TG: variants seen among roughly 807,000 people sequenced by gnomAD.
TG encodes the protein thyroglobulin.
Under a neutral mutation model 324.7 loss-of-function variants are expected in TG, and 270 were observed. The ratio of observed to expected loss-of-function variants is 0.83; its 90% confidence interval spans 0.75 to 0.92. The LOEUF is 0.92. TG is among the 40% of genes least tolerant of loss of function. The pLI is 0.00. For missense variants in TG, 3,591 were observed against 3,456.4 expected (o/e 1.04, Z -0.98); for synonymous variants, 1,401 against 1,327.0 (o/e 1.06, Z -1.21).
At chr8:132,873,250 T>G in intron 5 of TG, 29 bp downstream of exon 5, 1 of 1,613,406 alleles carries the variant, frequency 6.2e-7, no homozygotes, top group Non-Finnish European at 8.5e-7. Context: ...TGCCAGTCAC[T>G]GGGCCATCAC....
At chr8:133,067,869 AG>A (rs1843274699) in intron 41 of TG, among the ~76,000 whole-genome samples, 5 of 28,324 alleles carry the variant, frequency 1.8e-4, no homozygotes, top group South Asian at 1.2e-3. Context: ...AAAGAAAGAA[AG>A]GAAGGAAGGA....
At chr8:133,051,723 A>G (rs1242502525) in intron 41 of TG, among the ~76,000 whole-genome samples, 3 of 152,184 alleles carry the variant, frequency 2.0e-5, no homozygotes, top group Non-Finnish European at 2.9e-5. Context: ...TTCTATCCTT[A>G]GTGATTTGAT....
Position 133,012,140 on chromosome 8 carries a change from G to T in TG, c.6397+105G>T, listed in dbSNP as rs1834570740. The T allele has an allele frequency of 2.6e-5, 40 of 1,524,684 alleles. No homozygotes were observed. In the South Asian group the frequency reaches 4.5e-4, roughly 17 times the overall value. 94.4% of individuals were successfully genotyped at this position (1,524,684 alleles called of 1,614,324 possible). A position where few individuals can be genotyped will look rare whatever the true frequency, so the allele number is the denominator to read the frequency against. On this transcript the variant is annotated intron_variant, in intron 36 of 47. Coordinates refer to ENST00000220616, the MANE Select transcript of TG (RefSeq NM_003235.5). The stretch of plus-strand genomic sequence containing the variant: ...ACACATGAGACACTACGATAACCTA[G>T]GATGCTTGGAAGTAAGGGATTAACC...
chr8:132,904,204 C>T (rs373626704), intron 16 of TG, among the ~76,000 whole-genome samples: 11 of 152,178 alleles, frequency 7.2e-5, no homozygotes, highest in South Asian at 2.1e-4. Flanking sequence ...ATGGAGTCAA[C>T]GCCTGGGAGG....
chr8:132,881,182 C>G (rs372306799), intron 5 of TG, among the ~76,000 whole-genome samples: 33 of 152,150 alleles, frequency 2.2e-4, no homozygotes, highest in African/African-American at 7.5e-4. Context: ...TATACCTTAC[C>G]TTTCTATTAC....
Position 133,094,790 on chromosome 8 carries a change from G to A in TG, c.7240-254G>A, listed in dbSNP as rs557080151. 1.3e-4 allele frequency: 75 copies of A among 567,696 alleles called. No individual in the cohort carries two copies. The East Asian group carries it at 2.3e-3, about 17-fold the overall frequency. 35.2% of individuals were successfully genotyped at this position (567,696 alleles called of 1,614,324 possible). A position where few individuals can be genotyped will look rare whatever the true frequency, so the allele number is the denominator to read the frequency against. On this transcript the variant is annotated intron_variant, in intron 41 of 47. Coordinates refer to ENST00000220616, the MANE Select transcript of TG (RefSeq NM_003235.5). ...ATTCATCTGCACAGCCAAGACTGAA[G>A]GTTCCCTTGTGCAGCACCCTCACTT...
chr8:132,943,361 A>G (rs968994946), intron 26 of TG, among the ~76,000 whole-genome samples: 3 of 152,078 alleles, frequency 2.0e-5, no homozygotes, highest in Non-Finnish European at 4.4e-5. Context: ...TTCTGTCATG[A>G]ATGTAAGCTT....
At chr8:133,023,116 C>A (rs892257823) in intron 40 of TG, among the ~76,000 whole-genome samples, 1 of 152,092 alleles carries the variant, frequency 6.6e-6, no homozygotes, top group South Asian at 2.1e-4. Context: ...GATAGGTGGT[C>A]GGAATGACCA....
intron 41 of TG, chr8:133,087,832 C>T (rs1429598689): frequency 6.6e-6 from 1 of 152,110 alleles, no homozygotes; most frequent in Non-Finnish European, 1.5e-5. Flanking sequence ...GTCACGTGAC[C>T]TCCTCCAGCT....
At chr8:133,050,806 G>C in intron 41 of TG, 1 of 1,560,028 alleles carries the variant, frequency 6.4e-7, no homozygotes, top group South Asian at 1.1e-5. Flanking sequence ...GTTTTGGAGA[G>C]CTGACTCACT....
At chr8:132,935,973 C>G (rs901488606) in intron 25 of TG, 109 bp downstream of exon 25, 7 of 800,312 alleles carry the variant, frequency 8.7e-6, no homozygotes, top group Non-Finnish European at 1.5e-5. Flanking sequence ...GTCCCGCTCC[C>G]CACTCCACAC....
At chr8:133,103,137 C>T (rs11780642) in intron 43 of TG, 24,916 of 153,870 alleles carry the variant, frequency 0.16, 2,429 homozygotes, top group Non-Finnish European at 0.21. Flanking sequence ...CAGGGCATCG[C>T]GGGGACCTGG....
chr8:132,935,921 G>A, intron 25 of TG, 57 bp downstream of exon 25: 3 of 1,412,518 alleles, frequency 2.1e-6, no homozygotes, highest in African/African-American at 1.4e-5. Context: ...GGTCATGTTT[G>A]GAGCTGGTTT....
intron 43 of TG, among the ~76,000 whole-genome samples, chr8:133,101,001 G>C (rs1043793854): frequency 6.6e-6 from 1 of 152,056 alleles, no homozygotes; most frequent in Non-Finnish European, 1.5e-5. Flanking sequence ...AGGTTTACCG[G>C]GTGTCTCTAG....
intron 41 of TG, among the ~76,000 whole-genome samples, chr8:133,044,218 G>A (rs1032228769): frequency 1.3e-5 from 2 of 152,126 alleles, no homozygotes; most frequent in African/African-American, 2.4e-5. Context: ...CTTTTCTGTA[G>A]GGTAAAGTTC....
intron 27 of TG, among the ~76,000 whole-genome samples, chr8:132,952,200 C>T (rs1204751458): frequency 6.6e-6 from 1 of 152,120 alleles, no homozygotes; most frequent in Non-Finnish European, 1.5e-5. Flanking sequence ...CTCTGACTCT[C>T]CAGGTAGTTG....
At chr8:132,959,648 C>T (rs59083523) in intron 27 of TG, among the ~76,000 whole-genome samples, 1 of 152,154 alleles carries the variant, frequency 6.6e-6, no homozygotes, top group African/African-American at 2.4e-5. Flanking sequence ...TTATCCTCTC[C>T]TTAGTGTGGT....
chr8:132,948,816 G>T lies in TG; in HGVS notation c.5274G>T (p.Leu1758=). The T allele has an allele frequency of 6.2e-7, 1 of 1,614,056 alleles. No individual in the cohort carries two copies. The highest frequency in any genetic ancestry group is 8.5e-7 in the Non-Finnish European group (1 of 1,180,020). ...GGTTGCTGAGCTCACCCAGTGTCCT[G>T]CTTTGTAATGTCAAAGACTGGATGG... The part of the protein sequence containing the change: ...ICGLLSSPSV[L]LCNVKDWMDP... Residue 1758 remains leucine, a synonymous_variant, in exon 27 of 48, where the codon CTG becomes CTT. Coordinates refer to ENST00000220616, the MANE Select transcript of TG (RefSeq NM_003235.5).
intron 41 of TG, among the ~76,000 whole-genome samples, chr8:133,072,478 A>T (rs1844214684): frequency 2.0e-5 from 3 of 152,236 alleles, no homozygotes; most frequent in Non-Finnish European, 4.4e-5. Context: ...AGATAGATAG[A>T]TGGACAGATA....
Sources: allele counts gnomAD v4.1 joint callset (sites outside exome capture counted in the v4.1 genomes callset), GRCh38; gene constraint gnomAD v4.1.1; transcripts MANE v1.5; gene names NCBI Gene and HGNC (gene_info 2026-07-23, HGNC 2026-07-21).